The following FHIT variants were observed in gnomAD, a reference collection of about 807,000 sequenced individuals.
FHIT encodes the protein bis(5'-adenosyl)-triphosphatase.
FHIT carries 19 observed loss-of-function variants against 17.9 expected under a neutral mutation model. The ratio of observed to expected loss-of-function variants is 1.06; its 90% CI spans 0.74 to 1.56. The LOEUF (loss-of-function observed/expected upper bound fraction) is 1.56, where lower values mean the gene tolerates loss of function less well. Ranked by LOEUF, FHIT falls within the 40% of genes most tolerant of loss-of-function variation. FHIT has a pLI of 0.00. For synonymous variants in FHIT, 81 were observed against 69.7 expected, an observed-to-expected ratio of 1.16 and a Z score of -0.81; for missense variants, 248 against 189.2, an observed-to-expected ratio of 1.31 and a Z score of -1.82.
intron 5 of FHIT, among the ~76,000 whole-genome samples, chr3:60,271,795 T>C (rs1324040385): frequency 3.3e-5 from 5 of 152,184 alleles, no homozygotes; most frequent in Non-Finnish European, 7.4e-5. Flanking sequence ...GCATAATGCC[T>C]GGCACAGAGC....
intron 4 of FHIT, among the ~76,000 whole-genome samples, chr3:60,809,604 C>G (rs1161287546): frequency 9.9e-5 from 15 of 152,168 alleles, no homozygotes; most frequent in African/African-American, 3.6e-4. Flanking sequence ...ATTCTCAAAC[C>G]TTAGTACATA....
chr3:60,632,502 G>T (rs2039472239), intron 4 of FHIT, among the ~76,000 whole-genome samples: 1 of 152,184 alleles, frequency 6.6e-6, no homozygotes, highest in South Asian at 2.1e-4. Context: ...AATGCTGGCA[G>T]ATGACAGTTT....
At chr3:60,135,130 A>G (rs1305218430) in intron 5 of FHIT, among the ~76,000 whole-genome samples, 4 of 152,148 alleles carry the variant, frequency 2.6e-5, no homozygotes, top group African/African-American at 9.7e-5. Context: ...CAACAGTGCC[A>G]CAGGAACTCA....
chr3:60,436,650 A>G (rs2107314326), intron 5 of FHIT, among the ~76,000 whole-genome samples: 1 of 152,242 alleles, frequency 6.6e-6, no homozygotes, highest in African/African-American at 2.4e-5. Context: ...ATTTTTTATT[A>G]AATCATGAAT....
intron 5 of FHIT, among the ~76,000 whole-genome samples, chr3:60,035,130 G>GTCA (rs1425517789): frequency 6.6e-6 from 1 of 152,200 alleles, no homozygotes; most frequent in East Asian, 1.9e-4. Context: ...CCTCAGCCCA[G>GTCA]TAAAAATGAG....
intron 4 of FHIT, among the ~76,000 whole-genome samples, chr3:60,594,985 C>T (rs1287895375): frequency 1.3e-5 from 2 of 151,910 alleles, no homozygotes; most frequent in Non-Finnish European, 2.9e-5. Context: ...CTTTTGTTTC[C>T]ACCTGTTGTA....
intron 3 of FHIT, among the ~76,000 whole-genome samples, chr3:60,863,783 A>G (rs1704035501): frequency 6.6e-6 from 1 of 152,206 alleles, no homozygotes; most frequent in Admixed American, 6.5e-5. Flanking sequence ...AGAACATAAT[A>G]AAGATATTAA....
At chr3:59,931,431 C>T (rs1305644576) in intron 7 of FHIT, among the ~76,000 whole-genome samples, 1 of 152,176 alleles carries the variant, frequency 6.6e-6, no homozygotes, top group Non-Finnish European at 1.5e-5. Flanking sequence ...ATGCCACTTA[C>T]AGGACTTTGA....
chr3:60,522,571 G>C (rs2035412905), intron 5 of FHIT, among the ~76,000 whole-genome samples: 1 of 152,176 alleles, frequency 6.6e-6, no homozygotes, highest in Non-Finnish European at 1.5e-5. Context: ...ACTGCACCCA[G>C]TTCAGACAAG....
At chr3:59,854,888 C>A (rs894377262) in intron 8 of FHIT, among the ~76,000 whole-genome samples, 7 of 152,158 alleles carry the variant, frequency 4.6e-5, no homozygotes, top group Non-Finnish European at 7.4e-5. Flanking sequence ...CTTTATCCAA[C>A]GGCACATCCC....
chr3:59,972,240 G>C (rs1708218486), intron 7 of FHIT, among the ~76,000 whole-genome samples: 1 of 152,038 alleles, frequency 6.6e-6, no homozygotes, highest in Non-Finnish European at 1.5e-5. Flanking sequence ...TAACTTGATG[G>C]AATATTCAAG....
chr3:60,561,691 G>T (rs935981684), intron 4 of FHIT, among the ~76,000 whole-genome samples: 1 of 152,106 alleles, frequency 6.6e-6, no homozygotes, highest in Non-Finnish European at 1.5e-5. Context: ...GCCAGAGATA[G>T]AAGGACTGAC....
In FHIT at chr3:60,137,241, A is replaced by G. The variant is rs145625921; in HGVS notation, c.104-123089T>C. Among the ~76,000 whole-genome samples, 769 of 152,262 alleles carry G rather than the reference A, an allele frequency of 5.1e-3. 8 individuals are homozygous for G. The highest frequency in any genetic ancestry group is 0.034 in the Middle Eastern group (10 of 294). Reference sequence around the variant, plus strand: ...AGGAATCCCTATTGATGCCAGAACCACCTTGGAAGAATAATTAATGACATT... The same window carrying G: ...AGGAATCCCTATTGATGCCAGAACCGCCTTGGAAGAATAATTAATGACATT... On this transcript the variant is annotated intron_variant, in intron 5 of 9. Coordinates refer to ENST00000492590, the MANE Select transcript of FHIT (RefSeq NM_002012.4).
rs868095257 is a variant in FHIT, at chr3:60,375,093, T to C, written c.103+161767A>G. On this transcript the variant is annotated intron_variant, in intron 5 of 9. Transcript: ENST00000492590. ...TTATGCTCTTCAAGAATCATTCCTT[T>C]TGCTCCTTTTGAAAAAAAAAAAACA... is the stretch of plus-strand genomic sequence containing the variant. Among the ~76,000 whole-genome samples, 10 of 127,054 alleles carry C rather than the reference T, an allele frequency of 7.9e-5. No individual in the cohort carries two copies. In the South Asian group the frequency reaches 1.6e-3, roughly 21 times the overall value. The allele number at this position is 127,054 out of a possible 152,430, so 83.4% of individuals were successfully genotyped here.
intron 3 of FHIT, among the ~76,000 whole-genome samples, chr3:60,914,629 G>C (rs1267052025): frequency 6.6e-6 from 1 of 152,162 alleles, no homozygotes; most frequent in African/African-American, 2.4e-5. Flanking sequence ...GTTCTTCAAT[G>C]ATGATTATCA....
At chr3:60,677,596 G>A (rs2040651879) in intron 4 of FHIT, among the ~76,000 whole-genome samples, 1 of 150,410 alleles carries the variant, frequency 6.6e-6, no homozygotes. Flanking sequence ...TATACATGTG[G>A]TGTGTGTGTA....
chr3:60,950,771 C>T (rs1553777028), intron 3 of FHIT, among the ~76,000 whole-genome samples: 1 of 152,024 alleles, frequency 6.6e-6, no homozygotes, highest in African/African-American at 2.4e-5. Flanking sequence ...GATCCACCCG[C>T]CTCGGCCTTC....
intron 4 of FHIT, among the ~76,000 whole-genome samples, chr3:60,648,509 G>T (rs1325935105): frequency 6.6e-6 from 1 of 151,978 alleles, no homozygotes; most frequent in African/African-American, 2.4e-5. Context: ...TTGGGGGAGG[G>T]TAGAAGCCTA....
At chr3:60,355,539 A>G (rs1699616075) in intron 5 of FHIT, among the ~76,000 whole-genome samples, 2 of 152,214 alleles carry the variant, frequency 1.3e-5, no homozygotes, top group Admixed American at 1.3e-4. Context: ...AAGGCTGCAT[A>G]CAATTTTTAA....
Sources: gnomAD v4.1 joint callset for allele counts (sites outside exome capture counted in the v4.1 genomes callset) on GRCh38, gnomAD v4.1.1 for gene constraint, MANE v1.5 for transcripts, NCBI Gene and HGNC (gene_info 2026-07-23, HGNC 2026-07-21) for gene names.